Variants in DYNC1I1 observed in about 807,000 individuals in gnomAD.
The protein encoded by DYNC1I1 is dynein cytoplasmic 1 intermediate chain 1.
Under a neutral mutation model 86.6 loss-of-function variants are expected in DYNC1I1, and 43 were observed. That is an observed-to-expected ratio of 0.50 (90% CI 0.39 to 0.64). DYNC1I1 has a LOEUF of 0.64. Among genes scored for constraint, DYNC1I1 ranks in the 30% least tolerant of loss-of-function variants. DYNC1I1 has a pLI of 0.00. For missense variants in DYNC1I1, 604 were observed against 788.8 expected, an observed-to-expected ratio of 0.77 and a Z score of 2.81; for synonymous variants, 262 against 283.7, an observed-to-expected ratio of 0.92 and a Z score of 0.77.
At chr7:96,077,269 G>C (rs570307556) in intron 15 of DYNC1I1, among the ~76,000 whole-genome samples, 1 of 151,838 alleles carries the variant, frequency 6.6e-6, no homozygotes, top group Admixed American at 6.6e-5. Flanking sequence ...GTGTGTGTGT[G>C]TGTGTGTGGG....
chr7:95,828,456 T>A (rs891420170), intron 5 of DYNC1I1, among the ~76,000 whole-genome samples: 1 of 152,138 alleles, frequency 6.6e-6, no homozygotes, highest in African/African-American at 2.4e-5. Flanking sequence ...ATCACCATCC[T>A]CCCCTTTACT....
chr7:95,785,412 T>TCAAA lies in DYNC1I1; in HGVS notation c.-10+12655_-10+12658dup, dbSNP rs755033672. Among the ~76,000 whole-genome samples, 11 of 152,142 alleles carry TCAAA rather than the reference T, an allele frequency of 7.2e-5. No homozygotes were observed. The East Asian group carries it at 9.7e-4, about 13-fold the overall frequency. On this transcript the variant is annotated intron_variant, in intron 1 of 16. Transcript: ENST00000447467. ...CTGGGCGACACAGTGAGACTCTATC[T>TCAAA]CAAACAAACAAACAAACAAGCAAAA...
intron 7 of DYNC1I1, among the ~76,000 whole-genome samples, chr7:95,980,555 T>C (rs1430958917): frequency 6.7e-6 from 1 of 148,918 alleles, no homozygotes; most frequent in African/African-American, 2.5e-5. Flanking sequence ...TTTTTTTTTT[T>C]TTTTTTTGGA....
chr7:95,918,346 T>G (rs1012667759), intron 6 of DYNC1I1, among the ~76,000 whole-genome samples: 13 of 152,146 alleles, frequency 8.5e-5, no homozygotes, highest in Admixed American at 3.9e-4. Context: ...TTTGTTGGTG[T>G]TGTTGTTCCT....
chr7:96,034,933 T>G (rs1267770452), intron 12 of DYNC1I1, among the ~76,000 whole-genome samples: 1 of 152,244 alleles, frequency 6.6e-6, no homozygotes, highest in Non-Finnish European at 1.5e-5. Flanking sequence ...TTAGTTATAA[T>G]TGATTATTCT....
intron 10 of DYNC1I1, among the ~76,000 whole-genome samples, chr7:96,024,161 G>A (rs1023790888): frequency 3.9e-5 from 6 of 152,262 alleles, no homozygotes; most frequent in Admixed American, 6.5e-5. Flanking sequence ...GAGTTCAACC[G>A]TAGCCTCAGG....
At chr7:96,110,056 G>A (rs759714233) in exon 17 of DYNC1I1, 1 of 439,812 alleles carries the variant, frequency 2.3e-6, no homozygotes, top group South Asian at 1.6e-5. Context: ...CCAAAGTGCT[G>A]GGATTACAGA....
chr7:95,914,548 G>A (rs1348876434), intron 6 of DYNC1I1, among the ~76,000 whole-genome samples: 1 of 152,120 alleles, frequency 6.6e-6, no homozygotes, highest in East Asian at 1.9e-4. Context: ...TTTTAAATGT[G>A]ATGATCATCC....
At chr7:96,038,586 C>T (rs1788941023) in intron 13 of DYNC1I1, among the ~76,000 whole-genome samples, 1 of 152,184 alleles carries the variant, frequency 6.6e-6, no homozygotes, top group South Asian at 2.1e-4. Context: ...TTATTGAGCA[C>T]TTACTATATG....
intron 1 of DYNC1I1, among the ~76,000 whole-genome samples, chr7:95,794,386 C>G (rs1444997678): frequency 6.6e-6 from 1 of 152,160 alleles, no homozygotes; most frequent in Non-Finnish European, 1.5e-5. Flanking sequence ...GGAAGATACT[C>G]TAAGAAATGA....
chr7:95,905,719 A>T (rs1791159768), intron 6 of DYNC1I1, among the ~76,000 whole-genome samples: 1 of 150,418 alleles, frequency 6.6e-6, no homozygotes, highest in Non-Finnish European at 1.5e-5. Context: ...TTTTTCATAG[A>T]TGGCATTTCA....
intron 6 of DYNC1I1, among the ~76,000 whole-genome samples, chr7:95,880,786 C>T (rs140650154): frequency 1.3e-5 from 2 of 151,700 alleles, no homozygotes; most frequent in African/African-American, 4.8e-5. Context: ...GCTGGGATTA[C>T]AGGTGCACAC....
At chr7:95,800,259 T>G in intron 1 of DYNC1I1, among the ~76,000 whole-genome samples, 1 of 151,916 alleles carries the variant, frequency 6.6e-6, no homozygotes, top group East Asian at 1.9e-4. Flanking sequence ...GTATGGAGTC[T>G]AGGGTAAATG....
At chr7:95,858,753 G>A (rs1231702475) in intron 5 of DYNC1I1, among the ~76,000 whole-genome samples, 1 of 151,414 alleles carries the variant, frequency 6.6e-6, no homozygotes, top group African/African-American at 2.4e-5. Context: ...ATGATAGTAT[G>A]TCTTTAAATA....
intron 6 of DYNC1I1, among the ~76,000 whole-genome samples, chr7:95,947,514 G>A (rs2116468479): frequency 6.6e-6 from 1 of 152,212 alleles, no homozygotes; most frequent in Middle Eastern, 3.4e-3. Context: ...CCCTGCTGCT[G>A]AGGCCTTCTC....
chr7:96,099,061 A>G (rs562675274), downstream of DYNC1I1, among the ~76,000 whole-genome samples: 13 of 152,354 alleles, frequency 8.5e-5, no homozygotes, highest in South Asian at 1.7e-3. Context: ...ACAAATGAGT[A>G]TCTGGAATAG....
At chr7:95,869,842 A>C in intron 5 of DYNC1I1, 41 bp from the exon 6 acceptor site, 1 of 1,562,974 alleles carries the variant, frequency 6.4e-7, no homozygotes, top group Non-Finnish European at 8.8e-7. Context: ...TCTGCAAGGA[A>C]TGCCTCCCCT....
chr7:95,784,519 A>G (rs1288164958), intron 1 of DYNC1I1, among the ~76,000 whole-genome samples: 1 of 152,016 alleles, frequency 6.6e-6, no homozygotes, highest in African/African-American at 2.4e-5. Flanking sequence ...TTGAATGCAA[A>G]GTGGGGGCAA....
intron 6 of DYNC1I1, among the ~76,000 whole-genome samples, chr7:95,939,201 A>C (rs1202303947): frequency 6.6e-6 from 1 of 152,186 alleles, no homozygotes; most frequent in Non-Finnish European, 1.5e-5. Context: ...TTTGCTAAGG[A>C]GAACTTTACT....
Sources: allele counts gnomAD v4.1 joint callset (sites outside exome capture counted in the v4.1 genomes callset), GRCh38; gene constraint gnomAD v4.1.1; transcripts MANE v1.5; gene names NCBI Gene and HGNC (gene_info 2026-07-23, HGNC 2026-07-21).